HTR1F: variants seen among roughly 807,000 people sequenced by gnomAD.
HTR1F encodes 5-hydroxytryptamine (serotonin) receptor 1F, G protein-coupled.
A neutral mutation model predicts 24.0 loss-of-function variants in HTR1F; 17 were observed. The observed-to-expected ratio is 0.71, with a 90% CI of 0.48 to 1.06. HTR1F has a LOEUF of 1.06. HTR1F is among the 50% of genes least tolerant of loss of function. HTR1F has a pLI of 0.00. For synonymous variants in HTR1F, 186 were observed against 156.8 expected (o/e 1.19, Z -1.39); for missense variants, 391 against 427.8 (o/e 0.91, Z 0.76).
chr3:87,792,877 C>A (rs1196896013), intron 1 of HTR1F, among the ~76,000 whole-genome samples, 35 bp downstream of exon 1: 1 of 152,164 alleles, frequency 6.6e-6, no homozygotes, highest in South Asian at 2.1e-4. Flanking sequence ...CCCGGGAGTG[C>A]GGGTCACGCC....
At chr3:87,811,990 T>C (rs892600984) in intron 1 of HTR1F, among the ~76,000 whole-genome samples, 14 of 152,148 alleles carry the variant, frequency 9.2e-5, no homozygotes, top group African/African-American at 2.9e-4. Flanking sequence ...CCTGCCACCA[T>C]GTAAGAAATG....
rs1705874419 is a variant in HTR1F, at chr3:87,993,238, A to G, written c.*1388A>G. The G allele has an allele frequency of 6.0e-6, 1 of 166,850 alleles. No homozygotes were observed. The highest frequency in any genetic ancestry group is 2.4e-5 in the African/African-American group (1 of 41,380). The allele number at this position is 166,850 out of a possible 1,614,324, so 10.3% of individuals were successfully genotyped here. ...AGTACATTACATCAATTTTATGTATATATAGATCTGTGACAAATTACTCTC... is the reference window on the plus strand; with the variant it reads ...AGTACATTACATCAATTTTATGTATGTATAGATCTGTGACAAATTACTCTC... On this transcript the variant is annotated 3_prime_UTR_variant, in exon 3 of 3. Transcript: ENST00000319595.
At chr3:87,976,210 C>T (rs1477556356) in intron 2 of HTR1F, among the ~76,000 whole-genome samples, 2 of 152,048 alleles carry the variant, frequency 1.3e-5, no homozygotes, top group Admixed American at 1.3e-4. Context: ...AATGGAAGAG[C>T]ATACATTATG....
intron 2 of HTR1F, among the ~76,000 whole-genome samples, chr3:87,902,461 C>T (rs1706346593): frequency 6.6e-6 from 1 of 151,936 alleles, no homozygotes; most frequent in Non-Finnish European, 1.5e-5. Flanking sequence ...AGGAATAAAG[C>T]ATCTAGAAGG....
intron 2 of HTR1F, among the ~76,000 whole-genome samples, chr3:87,839,595 G>A (rs1159835858): frequency 6.6e-6 from 1 of 151,974 alleles, no homozygotes; most frequent in African/African-American, 2.4e-5. Context: ...AAAGTCATTG[G>A]AATTTTTTGT....
chr3:87,816,929 T>G (rs1357116367), intron 1 of HTR1F, among the ~76,000 whole-genome samples: 2 of 152,292 alleles, frequency 1.3e-5, no homozygotes, highest in East Asian at 3.9e-4. Flanking sequence ...ATAGTAATTA[T>G]GGCCCCCCAC....
At chr3:87,862,789 C>A (rs1014272071) in intron 2 of HTR1F, among the ~76,000 whole-genome samples, 1 of 151,824 alleles carries the variant, frequency 6.6e-6, no homozygotes, top group Admixed American at 6.6e-5. Context: ...AATGGCTAAT[C>A]TGACTCATGT....
At position 87,946,611 on chromosome 3, in the gene HTR1F, G is replaced by GTA. The variant is rs1178082807; in HGVS notation, c.-42-44081_-42-44080dup. ...GTAATTTACATATATGTGTGTGTGT[G>GTA]TATATATATATATATATTTTTTTTT... On this transcript the variant is annotated intron_variant, in intron 2 of 2. Transcript: ENST00000319595. 8.9e-4 allele frequency among the ~76,000 whole-genome samples: 116 copies of GTA among 129,926 alleles called. 2 individuals carry two copies. The South Asian group carries it at 0.015, about 17-fold the overall frequency. 85.2% of individuals were successfully genotyped at this position (129,926 alleles called of 152,430 possible).
intron 2 of HTR1F, among the ~76,000 whole-genome samples, chr3:87,884,046 A>C (rs932821063): frequency 6.6e-6 from 1 of 152,184 alleles, no homozygotes; most frequent in African/African-American, 2.4e-5. Flanking sequence ...TAATTTTCAG[A>C]TTCACCAAGG....
rs1394075145 is a variant in HTR1F at position 87,843,265 on chromosome 3, G to A, written c.-43+21141G>A. On this transcript the variant is annotated intron_variant, in intron 2 of 2. Transcript: ENST00000319595. Reference sequence around the variant, plus strand: ...AACATAGGCTCAAATTATTTTAACTGTATTTTAGCAAAGACAACATTGATA... The same window carrying A: ...AACATAGGCTCAAATTATTTTAACTATATTTTAGCAAAGACAACATTGATA... 2.0e-5 allele frequency among the ~76,000 whole-genome samples: 3 copies of A among 151,862 alleles called. 1 individual carries two copies. The highest frequency in any genetic ancestry group is 7.3e-5 in the African/African-American group (3 of 41,200).
chr3:87,956,260 G>C (rs907186516), intron 2 of HTR1F, among the ~76,000 whole-genome samples: 1 of 151,262 alleles, frequency 6.6e-6, no homozygotes, highest in Non-Finnish European at 1.5e-5. Context: ...TGGATAACTA[G>C]GTATTTAATA....
intron 1 of HTR1F, among the ~76,000 whole-genome samples, chr3:87,814,822 T>C (rs1202684848): frequency 6.6e-6 from 1 of 152,136 alleles, no homozygotes; most frequent in Non-Finnish European, 1.5e-5. Flanking sequence ...TGAATTATAA[T>C]TAGTAAGGGA....
intron 2 of HTR1F, among the ~76,000 whole-genome samples, chr3:87,966,830 T>C (rs1268433805): frequency 6.6e-6 from 1 of 152,150 alleles, no homozygotes; most frequent in Admixed American, 6.5e-5. Flanking sequence ...TACCTTGTGC[T>C]TCCCCACAAC....
chr3:87,849,383 G>T (rs1705026973), intron 2 of HTR1F, among the ~76,000 whole-genome samples: 1 of 151,736 alleles, frequency 6.6e-6, no homozygotes, highest in Admixed American at 6.6e-5. Flanking sequence ...AATAAATGGT[G>T]CTGGGAAAAC....
At chr3:87,932,219 G>T (rs1419678145) in intron 2 of HTR1F, among the ~76,000 whole-genome samples, 2 of 152,046 alleles carry the variant, frequency 1.3e-5, no homozygotes, top group Non-Finnish European at 2.9e-5. Context: ...ATTAATTTTT[G>T]TATAAGGTGT....
intron 2 of HTR1F, among the ~76,000 whole-genome samples, chr3:87,955,504 T>C (rs1283103154): frequency 1.3e-5 from 2 of 151,510 alleles, no homozygotes; most frequent in African/African-American, 2.4e-5. Context: ...TGAACATTCA[T>C]ATATAGGATA....
chr3:87,862,282 A>C (rs1424189959), intron 2 of HTR1F, among the ~76,000 whole-genome samples: 1 of 152,202 alleles, frequency 6.6e-6, no homozygotes, highest in African/African-American at 2.4e-5. Context: ...ATAAGTTACC[A>C]ATCTCAAGCA....
At chr3:87,882,762 A>T (rs1449333416) in intron 2 of HTR1F, among the ~76,000 whole-genome samples, 1 of 151,592 alleles carries the variant, frequency 6.6e-6, no homozygotes, top group Non-Finnish European at 1.5e-5. Context: ...GCTAGATGAC[A>T]AGTTAGTGGG....
intron 2 of HTR1F, among the ~76,000 whole-genome samples, chr3:87,932,579 A>G (rs897787305): frequency 3.9e-5 from 6 of 152,138 alleles, no homozygotes; most frequent in Non-Finnish European, 7.3e-5. Flanking sequence ...CAATTCTGTG[A>G]AGAAAGTCAT....
Sources: allele counts gnomAD v4.1 joint callset (sites outside exome capture counted in the v4.1 genomes callset), GRCh38; gene constraint gnomAD v4.1.1; transcripts MANE v1.5; gene names NCBI Gene and HGNC (gene_info 2026-07-23, HGNC 2026-07-21).